SCAI: variants seen among roughly 807,000 people sequenced by gnomAD.
SCAI encodes suppressor of cancer cell invasion, also known as protein SCAI.
A neutral mutation model predicts 92.2 loss-of-function variants in SCAI; 24 were observed. That is an observed-to-expected ratio of 0.26 (90% CI 0.19 to 0.37). The LOEUF is 0.37. SCAI is among the 10% of genes least tolerant of loss of function. SCAI has a pLI of 1.00. For missense variants in SCAI, 450 were observed against 736.2 expected, an observed-to-expected ratio of 0.61 and a Z score of 4.50; for synonymous variants, 261 against 258.6, an observed-to-expected ratio of 1.01 and a Z score of -0.09.
chr9:125,057,487 C>A, intron 2 of SCAI, among the ~76,000 whole-genome samples: 1 of 152,342 alleles, frequency 6.6e-6, no homozygotes, highest in Non-Finnish European at 1.5e-5. Context: ...AATAATCCCA[C>A]AGCTAGAACC....
At chr9:125,021,368 G>A (rs1322982950) in intron 6 of SCAI, among the ~76,000 whole-genome samples, 1 of 152,098 alleles carries the variant, frequency 6.6e-6, no homozygotes, top group Non-Finnish European at 1.5e-5. Context: ...TTTCCTACTT[G>A]CTCCTTCTCT....
rs578082572 is a variant in SCAI, at chr9:124,973,784, C to T, written c.1400-1940G>A. The stretch of plus-strand genomic sequence containing the variant: ...CAGAGGTTGTAGTGAGCTGAGACTG[C>T]GCCACTGCATCTAGCCTGGGCGACA... On this transcript the variant is annotated intron_variant, in intron 15 of 17. Coordinates refer to ENST00000336505, the MANE Select transcript of SCAI (RefSeq NM_001144877.3). 5.3e-5 allele frequency among the ~76,000 whole-genome samples: 8 copies of T among 152,016 alleles called. No individual in the cohort carries two copies. The East Asian group carries it at 7.8e-4, about 15-fold the overall frequency.
intron 2 of SCAI, among the ~76,000 whole-genome samples, chr9:125,113,092 C>CT (rs1359944715): frequency 6.6e-6 from 1 of 152,196 alleles, no homozygotes; most frequent in African/African-American, 2.4e-5. Flanking sequence ...AACCTTCACT[C>CT]TTTAAGTGTG....
chr9:125,039,260 G>A (rs777320895), intron 3 of SCAI, among the ~76,000 whole-genome samples: 1 of 151,856 alleles, frequency 6.6e-6, no homozygotes, highest in Non-Finnish European at 1.5e-5. Flanking sequence ...GGTGGCATGC[G>A]TCTGCAGTCC....
intron 17 of SCAI, among the ~76,000 whole-genome samples, chr9:124,959,509 T>C (rs1437594929): frequency 6.7e-6 from 1 of 148,360 alleles, no homozygotes; most frequent in African/African-American, 2.5e-5. Context: ...TATACACATA[T>C]ATATATATAC....
At chr9:125,120,746 C>T (rs1007519596) in intron 2 of SCAI, among the ~76,000 whole-genome samples, 1 of 151,868 alleles carries the variant, frequency 6.6e-6, no homozygotes, top group Non-Finnish European at 1.5e-5. Context: ...TGGTGGCATA[C>T]GCCTGTAGTT....
intron 2 of SCAI, among the ~76,000 whole-genome samples, chr9:125,121,503 A>G (rs1455988050): frequency 6.6e-6 from 1 of 151,910 alleles, no homozygotes; most frequent in East Asian, 1.9e-4. Context: ...GGCTCCAGAG[A>G]TAATTTAATC....
intron 2 of SCAI, among the ~76,000 whole-genome samples, chr9:125,060,581 C>A (rs1588186881): frequency 6.6e-6 from 1 of 152,060 alleles, no homozygotes; most frequent in Admixed American, 6.6e-5. Context: ...GGGAGGGAAC[C>A]ACGGGGAGGT....
At chr9:125,134,318 A>G (rs1835469213) in intron 2 of SCAI, among the ~76,000 whole-genome samples, 1 of 152,196 alleles carries the variant, frequency 6.6e-6, no homozygotes, top group African/African-American at 2.4e-5. Context: ...ACACTGTCTC[A>G]TATTTCAGTG....
chr9:125,069,474 C>A (rs1833935007), intron 2 of SCAI, among the ~76,000 whole-genome samples: 1 of 150,920 alleles, frequency 6.6e-6, no homozygotes, highest in Admixed American at 6.6e-5. Context: ...CCCACCACCA[C>A]GCCCGGCTAA....
chr9:125,001,906 T>C, intron 12 of SCAI, 59 bp downstream of exon 12: 2 of 1,233,622 alleles, frequency 1.6e-6, no homozygotes, highest in South Asian at 2.4e-5. Flanking sequence ...GCCATCGTCT[T>C]GTAGAAAATA....
intron 9 of SCAI, among the ~76,000 whole-genome samples, chr9:125,009,572 G>A (rs1242899963): frequency 1.3e-5 from 2 of 151,820 alleles, no homozygotes; most frequent in African/African-American, 2.4e-5. Context: ...GAGTCACCAC[G>A]CCCAGCCCAG....
In SCAI at chr9:125,081,570, A is replaced by AGTTTT. The variant is rs534122796; in HGVS notation, c.99-25568_99-25564dup. Among the ~76,000 whole-genome samples the AGTTTT allele has an allele frequency of 3.7e-4, 57 of 152,218 alleles. 1 individual carries two copies. The South Asian group carries it at 7.1e-3, about 19-fold the overall frequency. On this transcript the variant is annotated intron_variant, in intron 2 of 17. Transcript: ENST00000336505. ...GACCTGGGTGCTGTTAAAGGCACTCAGTTTTGTTTTGTTTTGTTTGGAGAT... is the reference window on the plus strand; with the variant it reads ...GACCTGGGTGCTGTTAAAGGCACTCAGTTTTGTTTTGTTTTGTTTTGTTTGGAGAT...
chr9:125,040,201 C>T (rs1833290295), intron 3 of SCAI, among the ~76,000 whole-genome samples: 1 of 151,894 alleles, frequency 6.6e-6, no homozygotes, highest in Non-Finnish European at 1.5e-5. Flanking sequence ...TAAGAAAATA[C>T]AATAAATTAG....
At chr9:125,026,240 G>A (rs1832961959) in intron 6 of SCAI, among the ~76,000 whole-genome samples, 1 of 152,136 alleles carries the variant, frequency 6.6e-6, no homozygotes, top group African/African-American at 2.4e-5. Flanking sequence ...CGGGGGTGGT[G>A]ACACAAGCCT....
At chr9:125,052,331 G>C (rs1833575847) in intron 3 of SCAI, among the ~76,000 whole-genome samples, 1 of 152,188 alleles carries the variant, frequency 6.6e-6, no homozygotes, top group Non-Finnish European at 1.5e-5. Context: ...AGCACTTTGG[G>C]AGGTCGAGGC....
chr9:125,132,877 A>G (rs937455436), intron 2 of SCAI, among the ~76,000 whole-genome samples: 1 of 152,156 alleles, frequency 6.6e-6, no homozygotes, highest in Admixed American at 6.6e-5. Context: ...AGGCAGGAGA[A>G]TCACTTGAAC....
At chr9:125,053,375 C>G (rs978302093) in intron 3 of SCAI, among the ~76,000 whole-genome samples, 4 of 151,986 alleles carry the variant, frequency 2.6e-5, no homozygotes, top group Admixed American at 1.3e-4. Context: ...AACTTGTATA[C>G]AAATGTTCAC....
intron 6 of SCAI, among the ~76,000 whole-genome samples, chr9:125,023,861 G>A (rs1260406836): frequency 6.6e-6 from 1 of 151,956 alleles, no homozygotes; most frequent in East Asian, 1.9e-4. Flanking sequence ...CGTCAGTGCT[G>A]TCCACTCATA....
Sources: gnomAD v4.1 joint callset for allele counts (sites outside exome capture counted in the v4.1 genomes callset) on GRCh38, gnomAD v4.1.1 for gene constraint, MANE v1.5 for transcripts, NCBI Gene and HGNC (gene_info 2026-07-23, HGNC 2026-07-21) for gene names.